DIAPH2: variants seen among roughly 807,000 people sequenced by gnomAD.
The protein encoded by DIAPH2 is protein diaphanous homolog 2.
DIAPH2 carries 35 observed loss-of-function variants against 92.7 expected under a neutral mutation model. The observed-to-expected ratio is 0.38, with a 90% CI of 0.29 to 0.50. The LOEUF (loss-of-function observed/expected upper bound fraction) is 0.50. DIAPH2 is among the 20% of genes least tolerant of loss of function. The pLI is 0.94. For synonymous variants in DIAPH2, 301 were observed against 280.4 expected (o/e 1.07, Z -0.73); for missense variants, 701 against 819.5 (o/e 0.86, Z 1.77).
chrX:96,923,089 C>A (rs747954272), intron 9 of DIAPH2, among the ~76,000 whole-genome samples: 9 of 111,277 alleles, frequency 8.1e-5, no homozygotes, highest in Non-Finnish European at 1.5e-4. Flanking sequence ...CTAAGGTATA[C>A]TGAGCATGAA....
chrX:96,884,250 C>T, intron 5 of DIAPH2: 2 of 1,056,242 alleles, frequency 1.9e-6, no homozygotes, highest in Non-Finnish European at 2.6e-6. Flanking sequence ...AACTCAAAGC[C>T]GTCCGTGGAG....
intron 25 of DIAPH2, among the ~76,000 whole-genome samples, chrX:97,425,695 C>T (rs1023560079): frequency 1.9e-5 from 2 of 107,652 alleles, no homozygotes; most frequent in East Asian, 2.9e-4. Flanking sequence ...GCAGGAGAAT[C>T]GCTTGAACTT....
intron 17 of DIAPH2, among the ~76,000 whole-genome samples, chrX:96,965,629 C>G (rs1237587189): frequency 9.0e-6 from 1 of 111,185 alleles, no homozygotes; most frequent in Non-Finnish European, 1.9e-5. Context: ...TCTTTCCTGT[C>G]ATGCTTGTAT....
chrX:96,786,933 C>T (rs138710758), intron 4 of DIAPH2, among the ~76,000 whole-genome samples: 23 of 111,735 alleles, frequency 2.1e-4, no homozygotes, highest in African/African-American at 6.5e-4. Context: ...ATATTATGTA[C>T]CGTGATGTAA....
At chrX:97,030,387 ATTTTC>A (rs906853925) in intron 17 of DIAPH2, among the ~76,000 whole-genome samples, 3 of 111,561 alleles carry the variant, frequency 2.7e-5, no homozygotes, top group Admixed American at 9.5e-5. Flanking sequence ...AATCACAGCT[ATTTTC>A]TTTTTTTTCT....
intron 1 of DIAPH2, among the ~76,000 whole-genome samples, chrX:96,690,167 C>T (rs1332513754): frequency 9.0e-6 from 1 of 110,744 alleles, no homozygotes; most frequent in Admixed American, 9.7e-5. Flanking sequence ...GGAAACAGTA[C>T]CAACAACGAT....
Position 97,036,592 on chromosome X carries a change from A to C in DIAPH2, c.2051-36349A>C, listed in dbSNP as rs754459797. Reference sequence around the variant, plus strand: ...ATATGTGCAAAATGTGTGTAAGTGAAGCAAGGAGTTAGTGGAGCTGGTAAT... The same window carrying C: ...ATATGTGCAAAATGTGTGTAAGTGACGCAAGGAGTTAGTGGAGCTGGTAAT... On this transcript the variant is annotated intron_variant, in intron 17 of 26. Transcript: ENST00000324765. 6.5e-4 allele frequency among the ~76,000 whole-genome samples: 73 copies of C among 112,174 alleles called. 1 individual carries two copies. Among genetic ancestry groups the C allele is most frequent in the Non-Finnish European group, 1.2e-3 (66 of 53,213 alleles).
At chrX:97,298,995 C>T (rs1214499732) in intron 23 of DIAPH2, among the ~76,000 whole-genome samples, 1 of 111,355 alleles carries the variant, frequency 9.0e-6, no homozygotes, top group African/African-American at 3.3e-5. Flanking sequence ...TGGCTGCCTC[C>T]CTTGAGCTGT....
chrX:97,271,812 TGC>T (rs2068388573), intron 23 of DIAPH2, among the ~76,000 whole-genome samples: 1 of 26,217 alleles, frequency 3.8e-5, no homozygotes, highest in Admixed American at 6.7e-4. Flanking sequence ...TATATATATA[TGC>T]ACACACACAC....
intron 17 of DIAPH2, among the ~76,000 whole-genome samples, chrX:96,997,271 GT>G (rs1311154703): frequency 3.6e-5 from 4 of 111,613 alleles, no homozygotes; most frequent in African/African-American, 6.5e-5. Context: ...TTTATGTTCT[GT>G]TGATATAGCA....
chrX:96,751,946 C>T (rs1217089393), intron 3 of DIAPH2, among the ~76,000 whole-genome samples: 2 of 99,088 alleles, frequency 2.0e-5, no homozygotes, highest in African/African-American at 6.9e-5. Flanking sequence ...AGCCACCGCG[C>T]CCGGCCGACT....
chrX:97,580,895 T>A (rs1490663399), intron 26 of DIAPH2, among the ~76,000 whole-genome samples: 95 of 79,251 alleles, frequency 1.2e-3, no homozygotes, highest in South Asian at 2.1e-3. Flanking sequence ...GGTTTAGTCT[T>A]GGGAGAGTGT....
chrX:97,307,391 T>TC (rs752314921), intron 23 of DIAPH2, among the ~76,000 whole-genome samples: 2,590 of 112,088 alleles, frequency 0.023, 28 homozygotes, highest in Middle Eastern at 0.041. Flanking sequence ...ATGGAAACCC[T>TC]TTCATTTCTG....
rs1464210988 is a variant in DIAPH2 at position 97,157,777 on chromosome X, C to T, written c.2719+15983C>T. On this transcript the variant is annotated intron_variant, in intron 22 of 26. Coordinates refer to ENST00000324765, the MANE Select transcript of DIAPH2 (RefSeq NM_006729.5). Reference sequence around the variant, plus strand: ...GAAAGGAAATGTTTATTCTGTCAGTCCAGATTTCAAAACAAAGTGTCTAGC... The same window carrying T: ...GAAAGGAAATGTTTATTCTGTCAGTTCAGATTTCAAAACAAAGTGTCTAGC... 4.5e-5 allele frequency among the ~76,000 whole-genome samples: 5 copies of T among 112,021 alleles called. No individual in the cohort carries two copies. The East Asian group carries it at 1.1e-3, about 25-fold the overall frequency.
At chrX:97,285,602 CT>C (rs1556017812) in intron 23 of DIAPH2, among the ~76,000 whole-genome samples, 22 of 105,144 alleles carry the variant, frequency 2.1e-4, no homozygotes, top group African/African-American at 1.7e-4. Context: ...TCTCCTGTTA[CT>C]TTTTTTTTTT....
At chrX:97,083,447 T>C (rs1269865213) in intron 19 of DIAPH2, among the ~76,000 whole-genome samples, 2 of 112,262 alleles carry the variant, frequency 1.8e-5, no homozygotes, top group African/African-American at 3.2e-5. Flanking sequence ...TGAAAGCGTA[T>C]GCTTAAATCA....
In DIAPH2 at chrX:96,863,545, T is replaced by C. The variant is rs2065085322; in HGVS notation, c.448-18034T>C. On this transcript the variant is annotated intron_variant, in intron 4 of 26. Transcript: ENST00000324765. The stretch of plus-strand genomic sequence containing the variant: ...TCCTCTTACTTAGGTATAATTATCA[T>C]TAACATTGCTATAAATTACTATTTA... Among the ~76,000 whole-genome samples, 7 of 111,051 alleles carry C rather than the reference T, an allele frequency of 6.3e-5. No homozygotes were observed. In the South Asian group the frequency reaches 2.6e-3, roughly 42 times the overall value.
intron 26 of DIAPH2, among the ~76,000 whole-genome samples, chrX:97,573,903 C>A (rs1344243968): frequency 9.0e-6 from 1 of 111,012 alleles, no homozygotes; most frequent in Admixed American, 9.6e-5. Flanking sequence ...TCAGGTGATC[C>A]ACCCACCTCG....
At chrX:97,093,051 G>A (rs773065521) in intron 19 of DIAPH2, among the ~76,000 whole-genome samples, 50 of 106,757 alleles carry the variant, frequency 4.7e-4, no homozygotes, top group African/African-American at 1.5e-3. Context: ...AGCCAGGCCT[G>A]GTGGCATAAG....
Sources: allele counts gnomAD v4.1 joint callset (sites outside exome capture counted in the v4.1 genomes callset), GRCh38; gene constraint gnomAD v4.1.1; transcripts MANE v1.5; gene names NCBI Gene and HGNC (gene_info 2026-07-23, HGNC 2026-07-21).